Variants in POLR1A observed in about 807,000 individuals in gnomAD.
POLR1A encodes DNA-directed RNA polymerase I subunit RPA1.
In POLR1A, 84 loss-of-function variants were observed where a neutral mutation model predicts 205.3. That is an observed-to-expected ratio of 0.41 (90% CI 0.34 to 0.49). The LOEUF (loss-of-function observed/expected upper bound fraction) is 0.49. Among genes scored for constraint, POLR1A ranks in the 20% least tolerant of loss-of-function variants. POLR1A has a pLI of 0.22. For synonymous variants in POLR1A, 799 were observed against 863.7 expected (o/e 0.93, Z 1.31); for missense variants, 1,645 against 2,204.5 (o/e 0.75, Z 5.08).
Position 86,028,744 on chromosome 2 carries a change from G to T in POLR1A, c.4780-33C>A. 1 of 1,529,758 alleles carries T rather than the reference G, an allele frequency of 6.5e-7. No homozygotes were observed. Among genetic ancestry groups the T allele is most frequent in the Non-Finnish European group, 9.1e-7 (1 of 1,103,952 alleles). The allele number at this position is 1,529,758 out of a possible 1,614,324, so 94.8% of individuals were successfully genotyped here. A position where few individuals can be genotyped will look rare whatever the true frequency, so the allele number is the denominator to read the frequency against. ...GAGGAAGGAAGGGATTTATTTAGAGGGCCTGGCCTTCTGCTCCCTTCTGCC... is the reference window on the plus strand; with the variant it reads ...GAGGAAGGAAGGGATTTATTTAGAGTGCCTGGCCTTCTGCTCCCTTCTGCC... On this transcript the variant is annotated intron_variant, in intron 31 of 33. Coordinates refer to ENST00000263857, the MANE Select transcript of POLR1A (RefSeq NM_015425.6). This position sits in a 1 kb window ranked among gnomAD's most constrained non-coding sequence, Gnocchi z 4.5.
chr2:86,028,719 G>A lies in POLR1A; in HGVS notation c.4780-8C>T. ...GCGGCGCAGATCCAGGACCTGGAGA[G>A]AGGAAGGAAGGGATTTATTTAGAGG... On this transcript the variant is annotated splice_polypyrimidine_tract_variant and splice_region_variant and intron_variant, in intron 31 of 33. Coordinates refer to ENST00000263857, the MANE Select transcript of POLR1A (RefSeq NM_015425.6). The surrounding 1 kb of genome is among the most constrained non-coding windows in gnomAD (Gnocchi z 4.5). The A allele has an allele frequency of 1.9e-6, 3 of 1,604,742 alleles. No individual in the cohort carries two copies. Among genetic ancestry groups the A allele is most frequent in the Non-Finnish European group, 2.6e-6 (3 of 1,171,466 alleles).
chr2:86,042,890 T>A, intron 23 of POLR1A, 84 bp downstream of exon 23: 2 of 952,314 alleles, frequency 2.1e-6, no homozygotes, highest in Non-Finnish European at 3.4e-6. Flanking sequence ...TTCTACCTTC[T>A]CTTAGGAAAA....
chr2:86,099,524 G>T (rs781713467), intron 2 of POLR1A, among the ~76,000 whole-genome samples: 17 of 151,944 alleles, frequency 1.1e-4, no homozygotes, highest in Non-Finnish European at 2.2e-4. Context: ...GCTTCATTCT[G>T]ACCTCACTGT....
At chr2:86,092,421 G>A (rs959416192) in intron 3 of POLR1A, among the ~76,000 whole-genome samples, 2 of 152,260 alleles carry the variant, frequency 1.3e-5, no homozygotes, top group Non-Finnish European at 2.9e-5. Context: ...GTCATGTGGG[G>A]AGCCAAAGAC....
At chr2:86,058,887 C>T (rs311585) in intron 14 of POLR1A, among the ~76,000 whole-genome samples, 46,918 of 151,846 alleles carry the variant, frequency 0.31, 8,457 homozygotes, top group East Asian at 0.53. Context: ...GAGGCTGAAG[C>T]TGGAGGATCA....
chr2:86,092,308 T>G lies in POLR1A; in HGVS notation c.433-2379A>C, dbSNP rs558774967. 4.6e-5 allele frequency among the ~76,000 whole-genome samples: 7 copies of G among 152,270 alleles called. No homozygotes were observed. In the South Asian group the frequency reaches 1.4e-3, roughly 32 times the overall value. The stretch of plus-strand genomic sequence containing the variant: ...CTGGAAGCACAGCCCATGGAACTGT[T>G]AGAAACGATATTGATTCCTTTCTGG... On this transcript the variant is annotated intron_variant, in intron 3 of 33. Transcript: ENST00000263857.
chr2:86,027,386 G>C lies in POLR1A; in HGVS notation c.*37C>G, dbSNP rs200338184. 13 of 1,551,488 alleles carry C rather than the reference G, an allele frequency of 8.4e-6. No individual in the cohort carries two copies. The highest frequency in any genetic ancestry group is 1.2e-5 in the Non-Finnish European group (13 of 1,123,118). Reference sequence around the variant, plus strand: ...CAGGCTGGGCCACGCCCTCACCAAGGGTCCTTGGAGCTGGGCAGATGGTGC... The same window carrying C: ...CAGGCTGGGCCACGCCCTCACCAAGCGTCCTTGGAGCTGGGCAGATGGTGC... On this transcript the variant is annotated 3_prime_UTR_variant, in exon 34 of 34. Coordinates refer to ENST00000263857, the MANE Select transcript of POLR1A (RefSeq NM_015425.6).
intron 9 of POLR1A, 36 bp from the exon 10 acceptor site, chr2:86,078,320 A>C (rs1673335176): frequency 1.1e-5 from 17 of 1,513,194 alleles, no homozygotes; most frequent in Non-Finnish European, 1.5e-5. Context: ...GGATGATGGA[A>C]AAAAGCTCCA....
At chr2:86,039,856 G>A in intron 25 of POLR1A, 1 of 226,252 alleles carries the variant, frequency 4.4e-6, no homozygotes, top group Non-Finnish European at 8.7e-6. Context: ...CCAGCCTCTG[G>A]CCTTCCACAG....
At chr2:86,100,964 T>C (rs1673809378) in intron 1 of POLR1A, among the ~76,000 whole-genome samples, 1 of 152,118 alleles carries the variant, frequency 6.6e-6, no homozygotes, top group South Asian at 2.1e-4. Flanking sequence ...ACAAACAGAA[T>C]GTGGGGGAGG....
intron 2 of POLR1A, 39 bp from the exon 3 acceptor site, chr2:86,098,799 G>A: frequency 6.2e-7 from 1 of 1,602,768 alleles, no homozygotes; most frequent in Non-Finnish European, 8.5e-7. Flanking sequence ...ATATTAGAAA[G>A]AGACACAGTA....
chr2:86,043,268 G>C (rs1672651069), intron 22 of POLR1A, 73 bp from the exon 23 acceptor site: 2 of 1,268,094 alleles, frequency 1.6e-6, no homozygotes, highest in Non-Finnish European at 2.3e-6. Flanking sequence ...CGTGACAAGA[G>C]GGCCATGGAG....
intron 16 of POLR1A, among the ~76,000 whole-genome samples, chr2:86,052,098 C>T (rs918459971): frequency 5.9e-5 from 9 of 152,324 alleles, no homozygotes; most frequent in African/African-American, 9.6e-5. Flanking sequence ...GTGCTTGCCA[C>T]GACACCTGGC....
At chr2:86,100,539 T>C (rs1331234230) in intron 1 of POLR1A, among the ~76,000 whole-genome samples, 1 of 151,622 alleles carries the variant, frequency 6.6e-6, no homozygotes, top group South Asian at 2.1e-4. Flanking sequence ...TTCTGTCTTT[T>C]TTTTTTTTTT....
intron 11 of POLR1A, among the ~76,000 whole-genome samples, chr2:86,077,361 CA>C (rs747797964): frequency 7.9e-5 from 12 of 152,164 alleles, no homozygotes; most frequent in Non-Finnish European, 1.2e-4. Flanking sequence ...AGGACCTGGG[CA>C]ACATGCACAC....
At chr2:86,092,798 T>C (rs375044988) in intron 3 of POLR1A, among the ~76,000 whole-genome samples, 9 of 152,172 alleles carry the variant, frequency 5.9e-5, no homozygotes, top group Admixed American at 5.2e-4. Flanking sequence ...GCACTCCAGC[T>C]TGGGCAACAG....
intron 3 of POLR1A, among the ~76,000 whole-genome samples, chr2:86,094,922 A>G (rs1002228217): frequency 1.3e-5 from 2 of 152,084 alleles, no homozygotes; most frequent in Non-Finnish European, 2.9e-5. Flanking sequence ...CCTCCTTATC[A>G]TATTTGGGCT....
At chr2:86,057,484 C>T (rs924912037) in intron 14 of POLR1A, among the ~76,000 whole-genome samples, 2 of 152,134 alleles carry the variant, frequency 1.3e-5, no homozygotes, top group African/African-American at 4.8e-5. Flanking sequence ...AAACTGAAAA[C>T]ACACGTTCAT....
intron 1 of POLR1A, 103 bp downstream of exon 1, chr2:86,105,597 T>G: frequency 1.4e-6 from 1 of 733,810 alleles, no homozygotes; most frequent in Non-Finnish European, 2.4e-6. Flanking sequence ...CAGACAAGCC[T>G]GGACTCAAGA....
Sources: allele counts gnomAD v4.1 joint callset (sites outside exome capture counted in the v4.1 genomes callset), GRCh38; gene constraint gnomAD v4.1.1; non-coding constraint Gnocchi (gnomAD v3.1); transcripts MANE v1.5; gene names NCBI Gene and HGNC (gene_info 2026-07-23, HGNC 2026-07-21).